ERGIC1: variants seen among roughly 807,000 people sequenced by gnomAD.
ERGIC1 encodes endoplasmic reticulum-golgi intermediate compartment 1, also known as endoplasmic reticulum-Golgi intermediate compartment protein 1.
Under a neutral mutation model 38.3 loss-of-function variants are expected in ERGIC1, and 19 were observed. The ratio of observed to expected loss-of-function variants is 0.50; its 90% CI spans 0.35 to 0.73. The LOEUF is 0.73. Ranked by LOEUF, ERGIC1 falls within the 30% of genes least tolerant of loss-of-function variation. The pLI, the probability that ERGIC1 is intolerant of heterozygous loss-of-function variation, is 0.01. For synonymous variants in ERGIC1, 124 were observed against 157.6 expected (o/e 0.79, Z 1.60); for missense variants, 294 against 389.2 (o/e 0.76, Z 2.06).
intron 1 of ERGIC1, among the ~76,000 whole-genome samples, chr5:172,839,383 AC>A (rs1188495112): frequency 2.6e-5 from 1 of 38,202 alleles, no homozygotes; most frequent in Admixed American, 3.6e-4. Context: ...ACATAGCAAG[AC>A]CCCAGACCCC....
At chr5:172,940,034 T>TAGAGGGGCTGCAGATGA (rs1242565121) in intron 9 of ERGIC1, among the ~76,000 whole-genome samples, 2 of 152,074 alleles carry the variant, frequency 1.3e-5, no homozygotes, top group African/African-American at 4.8e-5. Context: ...AATAGCTCCT[T>TAGAGGGGCTGCAGATGA]AGAGGGGCTG....
At chr5:172,939,197 G>C (rs956934483) in intron 9 of ERGIC1, among the ~76,000 whole-genome samples, 5 of 152,200 alleles carry the variant, frequency 3.3e-5, no homozygotes, top group Non-Finnish European at 7.4e-5. Context: ...TGAATCATAC[G>C]CAGTCCCTGC....
chr5:172,867,573 C>G (rs1470528501), intron 1 of ERGIC1: 3 of 425,342 alleles, frequency 7.1e-6, no homozygotes, highest in Non-Finnish European at 9.6e-6. Flanking sequence ...TTACTCCACC[C>G]CCGAGTCCTA....
chr5:172,892,956 C>T (rs1213951105), intron 2 of ERGIC1, among the ~76,000 whole-genome samples: 1 of 152,120 alleles, frequency 6.6e-6, no homozygotes, highest in East Asian at 1.9e-4. Context: ...GCTGGGCTGA[C>T]CAGGCTTAGT....
intron 1 of ERGIC1, among the ~76,000 whole-genome samples, chr5:172,864,273 T>C (rs1199587727): frequency 7.5e-6 from 1 of 133,160 alleles, no homozygotes; most frequent in Non-Finnish European, 1.7e-5. Context: ...GTAGTCTTTT[T>C]TTTTTTTTTT....
chr5:172,869,182 T>C (rs1458527767), intron 1 of ERGIC1, among the ~76,000 whole-genome samples: 1 of 152,210 alleles, frequency 6.6e-6, no homozygotes, highest in Middle Eastern at 3.2e-3. Context: ...TATAGACAGA[T>C]CTTCCCCCCT....
chr5:172,929,151 A>ATG (rs10647641), intron 7 of ERGIC1, among the ~76,000 whole-genome samples: 24,813 of 139,666 alleles, frequency 0.18, 2,178 homozygotes, highest in South Asian at 0.22. Context: ...TCATATATAT[A>ATG]TATGTGTGTG....
intron 5 of ERGIC1, chr5:172,915,443 T>C: frequency 2.5e-6 from 1 of 403,750 alleles, no homozygotes; most frequent in Non-Finnish European, 5.2e-6. Flanking sequence ...CCAAGGGGAG[T>C]GAGATGAGGT....
intron 8 of ERGIC1, chr5:172,933,576 C>G (rs1763825274): frequency 6.6e-6 from 1 of 152,210 alleles, no homozygotes; most frequent in Non-Finnish European, 1.5e-5. Flanking sequence ...AGTCTGCCCA[C>G]CTGCGAGCTG....
intron 1 of ERGIC1, among the ~76,000 whole-genome samples, chr5:172,864,913 C>T (rs1029159940): frequency 1.3e-5 from 2 of 152,258 alleles, no homozygotes; most frequent in African/African-American, 2.4e-5. Context: ...CAGCCTGGGT[C>T]AGCCTGACTT....
intron 1 of ERGIC1, among the ~76,000 whole-genome samples, chr5:172,860,347 C>A (rs573942342): frequency 2.0e-5 from 3 of 152,216 alleles, no homozygotes; most frequent in Non-Finnish European, 4.4e-5. Flanking sequence ...CACCATTCTG[C>A]CCCCTCACAT....
chr5:172,886,466 C>T (rs1762420852), intron 1 of ERGIC1, among the ~76,000 whole-genome samples: 1 of 152,170 alleles, frequency 6.6e-6, no homozygotes, highest in Admixed American at 6.5e-5. Flanking sequence ...GATGCCACTA[C>T]CTTCTCCTTC....
Position 172,952,533 on chromosome 5 carries a change from A to AAC in ERGIC1, c.*1717_*1718insAC, listed in dbSNP as rs372496179. ...CATTTTTTTGAAGAAAAAAAAAAAAACAACTCTGAGGACATAGGGGATGTC... is the reference window on the plus strand; with the variant it reads ...CATTTTTTTGAAGAAAAAAAAAAAAAACCAACTCTGAGGACATAGGGGATGTC... On this transcript the variant is annotated 3_prime_UTR_variant, in exon 10 of 10. Transcript: ENST00000393784. The AAC allele has an allele frequency of 4.1e-3, 602 of 146,570 alleles. 7 individuals carry two copies. The highest frequency in any genetic ancestry group is 0.015 in the African/African-American group (558 of 37,836). 9.1% of individuals were successfully genotyped at this position (146,570 alleles called of 1,614,324 possible). A position where few individuals can be genotyped will look rare whatever the true frequency, so the allele number is the denominator to read the frequency against.
intron 9 of ERGIC1, among the ~76,000 whole-genome samples, chr5:172,947,367 G>A (rs1764146677): frequency 6.6e-6 from 1 of 152,032 alleles, no homozygotes; most frequent in Admixed American, 6.6e-5. Context: ...TGTAGAGATG[G>A]GGATCTCACT....
intron 3 of ERGIC1, among the ~76,000 whole-genome samples, chr5:172,900,038 C>T (rs1013180544): frequency 1.3e-5 from 2 of 152,200 alleles, no homozygotes; most frequent in African/African-American, 2.4e-5. Context: ...TCCCCTCTTC[C>T]GCTTTGAGTT....
intron 3 of ERGIC1, among the ~76,000 whole-genome samples, chr5:172,901,269 T>C (rs1052759542): frequency 7.9e-5 from 12 of 152,152 alleles, no homozygotes; most frequent in African/African-American, 2.9e-4. Flanking sequence ...CACATTTGTT[T>C]GGGTGGTTGG....
intron 3 of ERGIC1, chr5:172,906,148 T>G (rs1248319157): frequency 2.2e-6 from 1 of 456,168 alleles, no homozygotes; most frequent in Non-Finnish European, 4.4e-6. Context: ...GGCCTCTGAT[T>G]GGGGCCAACA....
At chr5:172,917,118 T>TA (rs1024873825) in intron 5 of ERGIC1, 15 of 151,918 alleles carry the variant, frequency 9.9e-5, no homozygotes, top group African/African-American at 3.6e-4. Context: ...GATGTGGGGG[T>TA]AAGGGCACAT....
At chr5:172,936,282 A>G (rs924250758) in intron 9 of ERGIC1, 3 of 152,216 alleles carry the variant, frequency 2.0e-5, no homozygotes, top group African/African-American at 7.2e-5. Flanking sequence ...TTTCCGCTAC[A>G]CTGGCTTCAT....
Sources: allele counts gnomAD v4.1 joint callset (sites outside exome capture counted in the v4.1 genomes callset), GRCh38; gene constraint gnomAD v4.1.1; transcripts MANE v1.5; gene names NCBI Gene and HGNC (gene_info 2026-07-23, HGNC 2026-07-21).